TTC6: variants seen among roughly 807,000 people sequenced by gnomAD.
The protein encoded by TTC6 is tetratricopeptide repeat protein 6.
Under a neutral mutation model 210.4 loss-of-function variants are expected in TTC6, and 172 were observed. The observed-to-expected ratio is 0.82, with a 90% CI of 0.72 to 0.93. The LOEUF (loss-of-function observed/expected upper bound fraction) is 0.93, where lower values mean the gene tolerates loss of function less well. TTC6 is among the 40% of genes least tolerant of loss of function. TTC6 has a pLI of 0.00. For missense variants in TTC6, 2,414 were observed against 2,318.1 expected, an observed-to-expected ratio of 1.04 and a Z score of -0.85; for synonymous variants, 804 against 819.6, an observed-to-expected ratio of 0.98 and a Z score of 0.32.
chr14:37,807,176 C>A, intron 22 of TTC6, 144 bp from the exon 25 acceptor site: 1 of 677,866 alleles, frequency 1.5e-6, no homozygotes, highest in Non-Finnish European at 2.1e-6. Context: ...AAATTTTTTT[C>A]TAATAAAAGA....
chr14:37,618,329 T>C (rs1175240585), upstream of TTC6, among the ~76,000 whole-genome samples: 1 of 152,216 alleles, frequency 6.6e-6, no homozygotes, highest in Non-Finnish European at 1.5e-5. Context: ...ACTGCTTCAC[T>C]GCTCAGGCCT....
At chr14:37,794,540 C>A (rs2139354098) in intron 17 of TTC6, among the ~76,000 whole-genome samples, 1 of 150,832 alleles carries the variant, frequency 6.6e-6, no homozygotes, top group South Asian at 2.1e-4. Flanking sequence ...TTTCTGCGAC[C>A]AGTATTAAGG....
At chr14:37,790,480 T>G (rs2139329247) in intron 15 of TTC6, among the ~76,000 whole-genome samples, 1 of 152,332 alleles carries the variant, frequency 6.6e-6, no homozygotes, top group African/African-American at 2.4e-5. Flanking sequence ...AATCAGGATT[T>G]AATTCAGCTC....
At chr14:37,790,679 A>G (rs2096077282) in intron 15 of TTC6, 38 bp from the exon 18 acceptor site, 1 of 1,491,684 alleles carries the variant, frequency 6.7e-7, no homozygotes, top group African/African-American at 1.4e-5. Flanking sequence ...TGGTTATTTT[A>G]GAACCTGAAT....
At chr14:37,623,258 A>G (rs1157739289) in intron 1 of TTC6, among the ~76,000 whole-genome samples, 3 of 152,228 alleles carry the variant, frequency 2.0e-5, no homozygotes, top group African/African-American at 4.8e-5. Flanking sequence ...TTCAGAGAAC[A>G]TTAGCTGAAG....
At chr14:37,770,181 T>A (rs912921738) in intron 14 of TTC6, among the ~76,000 whole-genome samples, 2 of 152,112 alleles carry the variant, frequency 1.3e-5, no homozygotes, top group East Asian at 3.9e-4. Flanking sequence ...TTTGTTATAA[T>A]TTCTGTTCTT....
At chr14:37,670,450 A>G (rs1286182628) in intron 1 of TTC6, among the ~76,000 whole-genome samples, 2 of 148,664 alleles carry the variant, frequency 1.3e-5, no homozygotes, top group African/African-American at 4.9e-5. Flanking sequence ...CATTTTTCCT[A>G]AGGATCTAGC....
intron 10 of TTC6, among the ~76,000 whole-genome samples, chr14:37,746,979 C>A (rs2095937961): frequency 6.6e-6 from 1 of 152,136 alleles, no homozygotes; most frequent in Non-Finnish European, 1.5e-5. Context: ...AGCTTTATTA[C>A]CTTGGTGCAC....
intron 10 of TTC6, among the ~76,000 whole-genome samples, chr14:37,741,880 C>T (rs1348256328): frequency 2.0e-5 from 3 of 152,114 alleles, no homozygotes; most frequent in Non-Finnish European, 4.4e-5. Context: ...GCAATAACTT[C>T]GCAGCTTCAT....
intron 1 of TTC6, among the ~76,000 whole-genome samples, chr14:37,677,456 A>T (rs1429233135): frequency 4.0e-5 from 6 of 151,572 alleles, no homozygotes. Flanking sequence ...ATTCTTTCTG[A>T]TTTTCTGTAT....
chr14:37,664,905 C>T (rs192735417), intron 1 of TTC6, among the ~76,000 whole-genome samples: 1 of 150,572 alleles, frequency 6.6e-6, no homozygotes, highest in Admixed American at 6.6e-5. Flanking sequence ...AAGAGCTCAA[C>T]CTTACTGATT....
At chr14:37,628,586 G>T (rs1472047518) in intron 1 of TTC6, among the ~76,000 whole-genome samples, 2 of 151,894 alleles carry the variant, frequency 1.3e-5, no homozygotes, top group African/African-American at 2.4e-5. Flanking sequence ...AGTTTGTTTT[G>T]CTGTGCAGAA....
At chr14:37,657,212 CAAAAAAAAAAAAAAAA>C (rs61052302) in intron 1 of TTC6, among the ~76,000 whole-genome samples, 6 of 35,622 alleles carry the variant, frequency 1.7e-4, no homozygotes, top group African/African-American at 2.8e-4. Flanking sequence ...AACTCTGTCT[CAAAAAAAAAAAAAAAA>C]AAAAAAAAAA....
intron 6 of TTC6, chr14:37,720,435 A>G (rs895988569): frequency 6.6e-6 from 1 of 152,082 alleles, no homozygotes; most frequent in Non-Finnish European, 1.5e-5. Flanking sequence ...TCACAGCTTT[A>G]TTAATAGAAG....
intron 1 of TTC6, among the ~76,000 whole-genome samples, chr14:37,646,614 A>G (rs906933605): frequency 1.3e-5 from 2 of 152,176 alleles, no homozygotes; most frequent in South Asian, 2.1e-4. Context: ...ATATTAAAAC[A>G]TTATATAGAT....
chr14:37,723,978 T>C (rs1002703150), intron 6 of TTC6, among the ~76,000 whole-genome samples: 5 of 152,078 alleles, frequency 3.3e-5, no homozygotes, highest in African/African-American at 1.2e-4. Flanking sequence ...TATAATGTCA[T>C]GTAGCCACAA....
At chr14:37,840,588 G>A (rs762606222) in intron 29 of TTC6, among the ~76,000 whole-genome samples, 13 of 151,986 alleles carry the variant, frequency 8.6e-5, no homozygotes, top group South Asian at 2.1e-4. Flanking sequence ...ACATAGATGC[G>A]ACAATCCTCA....
At chr14:37,749,097 C>T (rs929390307) in exon 11 of TTC6, 5 of 1,535,578 alleles carry the variant, frequency 3.3e-6, no homozygotes, top group Non-Finnish European at 4.4e-6. Flanking sequence ...GATCCTCGGA[C>T]ATGGGCTCTT....
intron 20 of TTC6, among the ~76,000 whole-genome samples, chr14:37,802,734 TC>T (rs955602283): frequency 1.5e-4 from 14 of 93,116 alleles, no homozygotes; most frequent in African/African-American, 5.5e-4. Context: ...CTTTCTTTTT[TC>T]TCTTTTTTTT....
Sources: allele counts gnomAD v4.1 joint callset (sites outside exome capture counted in the v4.1 genomes callset), GRCh38; gene constraint gnomAD v4.1.1; transcripts MANE v1.5; gene names NCBI Gene and HGNC (gene_info 2026-07-23, HGNC 2026-07-21).